NTM: variants seen among roughly 807,000 people sequenced by gnomAD.
NTM encodes the protein IgLON family member 2.
A neutral mutation model predicts 42.1 loss-of-function variants in NTM; 13 were observed. The ratio of observed to expected loss-of-function variants is 0.31; its 90% CI spans 0.20 to 0.49. NTM has a LOEUF of 0.49. Among genes scored for constraint, NTM ranks in the 20% least tolerant of loss-of-function variants. The pLI is 0.99. For synonymous variants in NTM, 187 were observed against 179.2 expected, an observed-to-expected ratio of 1.04 and a Z score of -0.35; for missense variants, 373 against 452.8, an observed-to-expected ratio of 0.82 and a Z score of 1.60.
chr11:131,967,036 T>G (rs932842170), intron 2 of NTM, among the ~76,000 whole-genome samples: 1 of 152,156 alleles, frequency 6.6e-6, no homozygotes, highest in African/African-American at 2.4e-5. Flanking sequence ...TGCCACTATC[T>G]AAGATGGGCT....
intron 3 of NTM, among the ~76,000 whole-genome samples, chr11:132,156,866 A>C (rs947580317): frequency 1.3e-5 from 2 of 152,222 alleles, no homozygotes; most frequent in Non-Finnish European, 2.9e-5. Flanking sequence ...AAATCTTTAC[A>C]AAAGGGAGGC....
intron 1 of NTM, among the ~76,000 whole-genome samples, chr11:131,809,013 A>G (rs763695846): frequency 6.6e-5 from 10 of 152,212 alleles, no homozygotes; most frequent in Non-Finnish European, 1.3e-4. Context: ...ACTTTTTATG[A>G]ACTGGAAAAT....
rs111464522 is a variant in NTM, at chr11:132,286,524, C to G, written c.527-21165C>G. On this transcript the variant is annotated intron_variant, in intron 4 of 8. Transcript: ENST00000683400. The stretch of plus-strand genomic sequence containing the variant: ...ACATACTTTGCCTGTCCGCCCCCCC[C>G]ACCCAAACACACACAGCCTCAATGC... 5.3e-4 allele frequency among the ~76,000 whole-genome samples: 81 copies of G among 152,274 alleles called. No homozygotes were observed. In the Middle Eastern group the frequency reaches 0.017, roughly 32 times the overall value.
intron 3 of NTM, among the ~76,000 whole-genome samples, chr11:132,172,385 A>G (rs1003539600): frequency 9.2e-5 from 14 of 152,156 alleles, no homozygotes; most frequent in Non-Finnish European, 1.9e-4. Flanking sequence ...TTTTCTGGAC[A>G]TATCCATTGC....
chr11:131,973,153 G>A (rs1355490071), intron 2 of NTM, among the ~76,000 whole-genome samples: 1 of 152,100 alleles, frequency 6.6e-6, no homozygotes, highest in African/African-American at 2.4e-5. Context: ...CCCATCTATA[G>A]TCATGTCACC....
intron 1 of NTM, among the ~76,000 whole-genome samples, chr11:131,541,256 T>C (rs1446001365): frequency 2.6e-5 from 4 of 152,210 alleles, no homozygotes; most frequent in Non-Finnish European, 5.9e-5. Flanking sequence ...TTCCGCCATG[T>C]AATGCCTCAT....
chr11:131,616,268 T>G (rs117920204), intron 1 of NTM, among the ~76,000 whole-genome samples: 8 of 152,296 alleles, frequency 5.3e-5, no homozygotes, highest in Non-Finnish European at 2.9e-5. Context: ...CCTTTCTCCT[T>G]CCTCACCCAA....
intron 1 of NTM, among the ~76,000 whole-genome samples, chr11:131,726,491 G>A (rs1224579665): frequency 6.6e-6 from 1 of 151,060 alleles, no homozygotes; most frequent in East Asian, 1.9e-4. Context: ...GCTACTGGAA[G>A]TGACAGGCTT....
At chr11:131,724,987 C>G (rs575070101) in intron 1 of NTM, among the ~76,000 whole-genome samples, 3 of 152,270 alleles carry the variant, frequency 2.0e-5, no homozygotes, top group East Asian at 3.9e-4. Context: ...GGTTTACTGT[C>G]TGGGAACTCA....
intron 2 of NTM, among the ~76,000 whole-genome samples, chr11:131,939,743 A>G (rs1379098957): frequency 2.0e-5 from 3 of 152,174 alleles, no homozygotes; most frequent in African/African-American, 7.2e-5. Context: ...TTCCAACAGG[A>G]CAGTTGAGAG....
chr11:131,634,439 C>T (rs2064113753), intron 1 of NTM, among the ~76,000 whole-genome samples: 1 of 151,826 alleles, frequency 6.6e-6, no homozygotes, highest in Non-Finnish European at 1.5e-5. Flanking sequence ...TGTCTCTCTG[C>T]ATAATACAGT....
At chr11:132,251,874 G>A (rs2091973380) in intron 4 of NTM, among the ~76,000 whole-genome samples, 1 of 152,242 alleles carries the variant, frequency 6.6e-6, no homozygotes, top group Non-Finnish European at 1.5e-5. Flanking sequence ...GCCAGGAAGA[G>A]GCGCAGGCTT....
chr11:131,874,442 A>G (rs1455501961), intron 1 of NTM, among the ~76,000 whole-genome samples: 2 of 152,202 alleles, frequency 1.3e-5, no homozygotes, highest in Non-Finnish European at 2.9e-5. Context: ...CAGTTAAGAC[A>G]TTCTCCACTA....
chr11:132,191,078 A>T (rs1334191724), intron 3 of NTM, among the ~76,000 whole-genome samples: 4 of 152,182 alleles, frequency 2.6e-5, no homozygotes, highest in Non-Finnish European at 5.9e-5. Flanking sequence ...TATTTACCAG[A>T]GGGGAAAAAA....
intron 2 of NTM, among the ~76,000 whole-genome samples, chr11:132,134,090 T>C (rs1317988125): frequency 6.6e-6 from 1 of 152,026 alleles, no homozygotes; most frequent in Non-Finnish European, 1.5e-5. Flanking sequence ...TGCCCAGCCA[T>C]TTTTTTTCTT....
intron 3 of NTM, among the ~76,000 whole-genome samples, chr11:132,202,772 T>G (rs776117786): frequency 2.6e-5 from 4 of 152,184 alleles, no homozygotes; most frequent in Non-Finnish European, 5.9e-5. Context: ...CATAAAGACT[T>G]CCTTCCACAT....
intron 1 of NTM, chr11:131,582,314 T>A (rs2058477795): frequency 6.6e-6 from 1 of 152,168 alleles, no homozygotes. Context: ...GTGAGAAACG[T>A]GAGGAAAAAA....
intron 1 of NTM, among the ~76,000 whole-genome samples, chr11:131,552,817 C>CA (rs61457986): frequency 0.81 from 115,086 of 142,078 alleles, 49,209 homozygotes; most frequent in East Asian, 0.99. Flanking sequence ...GACTCCGTCT[C>CA]AAAAAAAAAA....
intron 2 of NTM, among the ~76,000 whole-genome samples, chr11:131,942,654 A>G (rs971134638): frequency 7.9e-5 from 12 of 152,176 alleles, no homozygotes; most frequent in African/African-American, 1.9e-4. Flanking sequence ...TCAAGAATGC[A>G]TAGAGTTTAG....
Sources: gnomAD v4.1 joint callset for allele counts (sites outside exome capture counted in the v4.1 genomes callset) on GRCh38, gnomAD v4.1.1 for gene constraint, MANE v1.5 for transcripts, NCBI Gene and HGNC (gene_info 2026-07-23, HGNC 2026-07-21) for gene names.